Variants in EIF3E observed in about 807,000 individuals in gnomAD.
EIF3E encodes the protein eukaryotic translation initiation factor 3 subunit E, also known as eIF-3 p48.
Under a neutral mutation model 59.3 loss-of-function variants are expected in EIF3E, and 25 were observed. The ratio of observed to expected loss-of-function variants is 0.42; its 90% CI spans 0.31 to 0.59. EIF3E has a LOEUF of 0.59. EIF3E is among the 20% of genes least tolerant of loss of function. EIF3E has a pLI of 0.15. For synonymous variants in EIF3E, 176 were observed against 170.2 expected, an observed-to-expected ratio of 1.03 and a Z score of -0.26; for missense variants, 317 against 534.3, an observed-to-expected ratio of 0.59 and a Z score of 4.01.
intron 1 of EIF3E, among the ~76,000 whole-genome samples, chr8:108,246,819 C>T (rs985085456): frequency 2.6e-5 from 4 of 152,130 alleles, no homozygotes; most frequent in African/African-American, 9.7e-5. Context: ...ATTTTCTCTT[C>T]CTTATAATTT....
intron 3 of EIF3E, among the ~76,000 whole-genome samples, chr8:108,236,539 T>A (rs1252527568): frequency 3.9e-5 from 6 of 152,194 alleles, no homozygotes; most frequent in Admixed American, 3.3e-4. Flanking sequence ...GTCTACTTAG[T>A]GGTAATCTAC....
chr8:108,238,012 T>TA (rs1815766649), intron 3 of EIF3E, among the ~76,000 whole-genome samples: 1 of 152,118 alleles, frequency 6.6e-6, no homozygotes, highest in Non-Finnish European at 1.5e-5. Flanking sequence ...ACAAGGATCC[T>TA]CTTTTTCTAA....
At chr8:108,218,782 C>CTTT (rs35642365) in intron 7 of EIF3E, among the ~76,000 whole-genome samples, 60 of 111,114 alleles carry the variant, frequency 5.4e-4, no homozygotes, top group East Asian at 8.0e-4. Flanking sequence ...TATTTTATTT[C>CTTT]TTTTTTTTTT....
intron 7 of EIF3E, among the ~76,000 whole-genome samples, chr8:108,218,957 TG>T (rs1815355989): frequency 6.6e-6 from 1 of 151,964 alleles, no homozygotes; most frequent in Non-Finnish European, 1.5e-5. Context: ...CTAACTTTTT[TG>T]TATTTTTAGT....
At chr8:108,242,349 G>A in intron 1 of EIF3E, 1 of 1,289,464 alleles carries the variant, frequency 7.8e-7, no homozygotes, top group Non-Finnish European at 1.0e-6. Context: ...GAAACAACCT[G>A]CACCAAGTTT....
rs368520339 is a variant in EIF3E, at chr8:108,214,596, G to A, written c.1061+11C>T. ...AAGTAGAAAATCCAAATCAAATCACGGTGTTCTTACTTAATGCTGATACAC... is the reference window on the plus strand; with the variant it reads ...AAGTAGAAAATCCAAATCAAATCACAGTGTTCTTACTTAATGCTGATACAC... On this transcript the variant is annotated intron_variant, in intron 10 of 12. Transcript: ENST00000220849. 3.6e-4 allele frequency: 554 copies of A among 1,546,908 alleles called. No individual in the cohort carries two copies. The highest frequency in any genetic ancestry group is 4.6e-4 in the Non-Finnish European group (529 of 1,146,442).
chr8:108,229,247 C>A, intron 5 of EIF3E, 52 bp from the exon 6 acceptor site: 6 of 1,579,964 alleles, frequency 3.8e-6, no homozygotes, highest in Non-Finnish European at 5.2e-6. Context: ...GAAAAATGAA[C>A]ATAATGTATG....
intron 7 of EIF3E, among the ~76,000 whole-genome samples, chr8:108,222,121 C>A (rs968084431): frequency 4.6e-5 from 7 of 152,080 alleles, no homozygotes; most frequent in Admixed American, 4.6e-4. Context: ...TAGTTCACTA[C>A]AGCCTTTAAC....
chr8:108,203,680 G>T (rs759658589), intron 10 of EIF3E, among the ~76,000 whole-genome samples, 177 bp from the exon 11 acceptor site: 1 of 152,012 alleles, frequency 6.6e-6, no homozygotes, highest in South Asian at 2.1e-4. Flanking sequence ...CTATTGACTT[G>T]TACTATGCAC....
At chr8:108,212,873 AT>A (rs1196451522) in intron 10 of EIF3E, among the ~76,000 whole-genome samples, 1 of 128,490 alleles carries the variant, frequency 7.8e-6, no homozygotes, top group Non-Finnish European at 1.8e-5. Context: ...TTAGTAAAAC[AT>A]TGAAAAAAAA....
At chr8:108,208,549 T>C (rs973814483) in intron 10 of EIF3E, among the ~76,000 whole-genome samples, 2 of 152,142 alleles carry the variant, frequency 1.3e-5, no homozygotes, top group African/African-American at 2.4e-5. Context: ...TGAACCTTAT[T>C]GATAATGCAG....
intron 9 of EIF3E, among the ~76,000 whole-genome samples, chr8:108,215,912 T>C (rs1382410939): frequency 6.6e-6 from 1 of 152,200 alleles, no homozygotes; most frequent in Non-Finnish European, 1.5e-5. Context: ...ACACCGCCGT[T>C]ATAAAATTCG....
At chr8:108,220,950 C>T (rs1211349502) in intron 7 of EIF3E, among the ~76,000 whole-genome samples, 1 of 152,108 alleles carries the variant, frequency 6.6e-6, no homozygotes, top group African/African-American at 2.4e-5. Flanking sequence ...CATCTGAGCC[C>T]AGGGAGTGAG....
At chr8:108,219,223 A>AT in intron 7 of EIF3E, among the ~76,000 whole-genome samples, 1 of 152,294 alleles carries the variant, frequency 6.6e-6, no homozygotes, top group Middle Eastern at 3.4e-3. Context: ...AGTTTATACC[A>AT]TTGCTCCATA....
rs957741829 is a variant in EIF3E, at chr8:108,241,666, C to T, written c.205+133G>A. ...GGAAGATATGAAACCTTTATATAAC[C>T]TCTCACCCAAAGAACATTAACATTC... On this transcript the variant is annotated intron_variant, in intron 2 of 12. Transcript: ENST00000220849. 1.3e-5 allele frequency: 6 copies of T among 476,556 alleles called. No homozygotes were observed. In the East Asian group the frequency reaches 2.0e-4, roughly 16 times the overall value. 29.5% of individuals were successfully genotyped at this position (476,556 alleles called of 1,614,324 possible). A position where few individuals can be genotyped will look rare whatever the true frequency, so the allele number is the denominator to read the frequency against.
chr8:108,248,352 A>C (rs9969614), intron 1 of EIF3E, among the ~76,000 whole-genome samples: 1 of 151,888 alleles, frequency 6.6e-6, no homozygotes, highest in Admixed American at 6.5e-5. Context: ...TGATGCGAAA[A>C]TCCCTCCCGC....
chr8:108,232,513 G>T (rs679077), intron 5 of EIF3E, among the ~76,000 whole-genome samples: 76,259 of 151,800 alleles, frequency 0.5, 19,213 homozygotes, highest in African/African-American at 0.58. Flanking sequence ...AACTTGTATC[G>T]TCATATTTTA....
chr8:108,240,881 G>A (rs1302693780), intron 2 of EIF3E, among the ~76,000 whole-genome samples: 1 of 152,110 alleles, frequency 6.6e-6, no homozygotes, highest in East Asian at 1.9e-4. Context: ...TCGGGAGGCT[G>A]AGGCAGGAGA....
intron 9 of EIF3E, 74 bp from the exon 10 acceptor site, chr8:108,214,790 C>T: frequency 7.7e-6 from 10 of 1,294,034 alleles, no homozygotes; most frequent in Non-Finnish European, 1.1e-5. Context: ...AATACTTTAT[C>T]TGCTTTATTT....
Sources: allele counts gnomAD v4.1 joint callset (sites outside exome capture counted in the v4.1 genomes callset), GRCh38; gene constraint gnomAD v4.1.1; transcripts MANE v1.5; gene names NCBI Gene and HGNC (gene_info 2026-07-23, HGNC 2026-07-21).